Variants in ALMS1 observed in about 807,000 individuals in gnomAD.
ALMS1 encodes the protein ALMS1 centrosome and basal body associated protein, also known as centrosome-associated protein ALMS1.
Under a neutral mutation model 352.2 loss-of-function variants are expected in ALMS1, and 271 were observed. The ratio of observed to expected loss-of-function variants is 0.77; its 90% CI spans 0.70 to 0.85. ALMS1 has a LOEUF of 0.85. ALMS1 is among the 40% of genes least tolerant of loss of function. ALMS1 has a pLI of 0.00. For synonymous variants in ALMS1, 1,865 were observed against 1,761.2 expected (o/e 1.06, Z -1.48); for missense variants, 5,445 against 4,870.7 (o/e 1.12, Z -3.51).
At position 73,448,258 on chromosome 2, in the gene ALMS1, T is replaced by C. The variant is rs768761501; in HGVS notation, c.1731T>C (p.His577=). The part of the protein sequence containing the change: ...TPTVLSSSHS[H]RGKPSIFYQQ... The stretch of plus-strand genomic sequence containing the variant: ...CAGTACTCTCTAGTTCCCACTCACA[T>C]AGGGGGAAGCCCAGCATTTTCTACC... Residue 577 remains histidine, a synonymous_variant, in exon 8 of 23, where the codon CAT becomes CAC. Transcript: ENST00000613296. 3.7e-5 allele frequency: 60 copies of C among 1,613,642 alleles called. No individual in the cohort carries two copies. The highest frequency in any genetic ancestry group is 7.7e-5 in the South Asian group (7 of 91,062).
In ALMS1 at chr2:73,540,620, A is replaced by C. The variant is rs545505204; in HGVS notation, c.9907+5671A>C. 5.4e-4 allele frequency among the ~76,000 whole-genome samples: 83 copies of C among 152,364 alleles called. 1 individual carries two copies. Among genetic ancestry groups the C allele is most frequent in the African/African-American group, 1.9e-3 (81 of 41,584 alleles). The stretch of plus-strand genomic sequence containing the variant: ...CAAGACCCATCCGTGTGCTGTATTC[A>C]GGAAACCCATCTCATGTGCAGAGTC... On this transcript the variant is annotated intron_variant, in intron 12 of 22. Transcript: ENST00000613296.
At position 73,489,685 on chromosome 2, in the gene ALMS1, C is replaced by A. The variant is rs1407351231; in HGVS notation, c.7726C>A (p.His2576Asn). The A allele has an allele frequency of 1.2e-6, 2 of 1,614,046 alleles. No homozygotes were observed. Among genetic ancestry groups the A allele is most frequent in the Admixed American group, 1.7e-5 (1 of 60,016 alleles). Residue 2576 changes from histidine (H) to asparagine (N), a missense_variant, in exon 10 of 23, where the codon CAC (histidine) becomes AAC (asparagine). Physicochemically the swap from His to Asn is moderately conservative, Grantham distance 68. Transcript: ENST00000613296. ...MGCKPEAVCS[H>N]IIIESHEKGC... ...ATGCAAGCCAGAAGCTGTATGTAGT[C>A]ACATTATTATTGAGAGCCATGAAAA...
At chr2:73,518,779 A>T (rs1449543163) in intron 10 of ALMS1, among the ~76,000 whole-genome samples, 1 of 152,086 alleles carries the variant, frequency 6.6e-6, no homozygotes, top group Non-Finnish European at 1.5e-5. Context: ...AGTGTCTGTC[A>T]TGTCCTTTGC....
intron 4 of ALMS1, among the ~76,000 whole-genome samples, chr2:73,423,630 T>C (rs74842156): frequency 1.5e-5 from 1 of 68,628 alleles, no homozygotes; most frequent in Non-Finnish European, 2.5e-5. Context: ...AAAAGTAACC[T>C]CTGTCCTTAT....
intron 15 of ALMS1, among the ~76,000 whole-genome samples, chr2:73,561,474 T>C (rs1480648778): frequency 2.0e-5 from 3 of 152,204 alleles, no homozygotes; most frequent in East Asian, 1.9e-4. Flanking sequence ...TCTCTTTCTT[T>C]TTAATTTTAT....
At chr2:73,526,063 C>T (rs1301974831) in intron 11 of ALMS1, among the ~76,000 whole-genome samples, 1 of 152,062 alleles carries the variant, frequency 6.6e-6, no homozygotes, top group Admixed American at 6.6e-5. Flanking sequence ...TTCTTGGCAC[C>T]TTTGTTGAAA....
At chr2:73,397,281 G>T (rs1339623030) in intron 1 of ALMS1, among the ~76,000 whole-genome samples, 2 of 152,074 alleles carry the variant, frequency 1.3e-5, no homozygotes, top group Non-Finnish European at 1.5e-5. Flanking sequence ...GGTAAGTTGT[G>T]ATTCTCTGTG....
At position 73,422,975 on chromosome 2, in the gene ALMS1, G is replaced by A; in HGVS notation, c.764+1G>A. 6.3e-7 allele frequency: 1 copy of A among 1,598,640 alleles called. No individual in the cohort carries two copies. Among genetic ancestry groups the A allele is most frequent in the Non-Finnish European group, 8.6e-7 (1 of 1,166,144 alleles). On this transcript the variant is annotated splice_donor_variant, in intron 4 of 22. Coordinates refer to ENST00000613296, the MANE Select transcript of ALMS1 (RefSeq NM_001378454.1). LOFTEE classifies it high-confidence loss of function. Reference sequence around the variant, plus strand: ...GTGAACTAAGTTTTGCACCTCTGAGGTAGGATGATTTATTTGCATGTAACC... The same window carrying A: ...GTGAACTAAGTTTTGCACCTCTGAGATAGGATGATTTATTTGCATGTAACC...
In ALMS1 at chr2:73,442,239, G is replaced by A. The variant is rs542207313; in HGVS notation, c.1433-5721G>A. Among the ~76,000 whole-genome samples the A allele has an allele frequency of 1.1e-4, 16 of 152,166 alleles. No individual in the cohort carries two copies. The East Asian group carries it at 2.3e-3, about 22-fold the overall frequency. ...ATATTCAAAGGAAATACTCATTAGA[G>A]CATTTTGGATTTCAGATTTTTGGAT... On this transcript the variant is annotated intron_variant, in intron 7 of 22. Transcript: ENST00000613296.
Position 73,432,207 on chromosome 2 carries a change from G to A in ALMS1, c.1348G>A (p.Glu450Lys). ...ATTTGTTCCACATAAGCCAACAAGA[G>A]AGTCGGAATATCACTCTTCAGATCT... is the stretch of plus-strand genomic sequence containing the variant. ...VAELQRKPTR[E>K]SEYHSSDLRM... Residue 450 changes from glutamate to lysine, a missense_variant, in exon 7 of 23, where the codon GAG (glutamate) becomes AAG (lysine). By Grantham distance (56) the Glu-to-Lys change is moderately conservative. Transcript: ENST00000613296. 1 of 1,612,552 alleles carries A rather than the reference G, an allele frequency of 6.2e-7. No individual in the cohort carries two copies. Among genetic ancestry groups the A allele is most frequent in the South Asian group, 1.1e-5 (1 of 91,032 alleles).
intron 6 of ALMS1, among the ~76,000 whole-genome samples, chr2:73,430,528 G>T (rs1671478617): frequency 6.6e-6 from 1 of 152,168 alleles, no homozygotes. Context: ...TCTCTCACAA[G>T]TGTCTATATA....
At chr2:73,522,616 G>A (rs947569491) in intron 11 of ALMS1, among the ~76,000 whole-genome samples, 5 of 151,710 alleles carry the variant, frequency 3.3e-5, no homozygotes, top group Non-Finnish European at 5.9e-5. Flanking sequence ...CTACAGGCGC[G>A]CACCACCACG....
chr2:73,592,503 TCTGA>T (rs1437132030), intron 16 of ALMS1, among the ~76,000 whole-genome samples: 2 of 152,212 alleles, frequency 1.3e-5, no homozygotes, highest in African/African-American at 4.8e-5. Flanking sequence ...TCATTTTGAC[TCTGA>T]CTGTTTTATC....
Position 73,489,798 on chromosome 2 carries a change from C to T in ALMS1, c.7839C>T (p.Thr2613=), listed in dbSNP as rs746168704. Residue 2613 remains threonine (T), a synonymous_variant, in exon 10 of 23, where the codon ACC becomes ACT. Coordinates refer to ENST00000613296, the MANE Select transcript of ALMS1 (RefSeq NM_001378454.1). The part of the protein sequence containing the change: ...AFRSAGPSEM[T]RGRQNPSSCR... ...GATCTGCTGGACCCTCAGAAATGAC[C>T]AGAGGACGGCAGAACCCATCATCAT... 14 of 1,614,104 alleles carry T rather than the reference C, an allele frequency of 8.7e-6. No homozygotes were observed. In the South Asian group the frequency reaches 1.1e-4, roughly 13 times the overall value.
At position 73,449,798 on chromosome 2, in the gene ALMS1, G is replaced by C; in HGVS notation, c.3271G>C (p.Ala1091Pro). 6.2e-7 allele frequency: 1 copy of C among 1,613,758 alleles called. No individual in the cohort carries two copies. Among genetic ancestry groups the C allele is most frequent in the South Asian group, 1.1e-5 (1 of 91,060 alleles). ...AGCTGACCAGATGACTGACACACCA[G>C]CAGTACCGTCTACTTTCTACTCACA... The part of the protein sequence containing the change: ...GPADQMTDTP[A>P]VPSTFYSQRE... Residue 1091 changes from alanine (A) to proline (P), a missense_variant, in exon 8 of 23, where the codon GCA (alanine) becomes CCA (proline). Physicochemically the swap from Ala to Pro is conservative, Grantham distance 27. Transcript: ENST00000613296.
At chr2:73,399,230 A>C (rs1236895733) in intron 1 of ALMS1, among the ~76,000 whole-genome samples, 1 of 151,874 alleles carries the variant, frequency 6.6e-6, no homozygotes, top group African/African-American at 2.4e-5. Flanking sequence ...TGTACCTTTT[A>C]TTTCCTTTTC....
chr2:73,397,457 T>G (rs979752883), intron 1 of ALMS1, among the ~76,000 whole-genome samples: 2 of 151,974 alleles, frequency 1.3e-5, no homozygotes, highest in African/African-American at 4.8e-5. Flanking sequence ...ACCTCTGTTT[T>G]GGGGTTTTTT....
At chr2:73,495,286 G>A (rs1274013224) in intron 10 of ALMS1, among the ~76,000 whole-genome samples, 2 of 152,056 alleles carry the variant, frequency 1.3e-5, no homozygotes, top group Non-Finnish European at 2.9e-5. Context: ...CCAGGCTGGA[G>A]TGCAGTGGCG....
intron 5 of ALMS1, 114 bp downstream of exon 5, chr2:73,425,016 G>A (rs1446744177): frequency 1.8e-5 from 16 of 896,196 alleles, no homozygotes; most frequent in Non-Finnish European, 2.3e-5. Flanking sequence ...GAACAAAGAG[G>A]GAACTTTGCA....
Sources: gnomAD v4.1 joint callset for allele counts (sites outside exome capture counted in the v4.1 genomes callset) on GRCh38, gnomAD v4.1.1 for gene constraint, MANE v1.5 for transcripts, NCBI Gene and HGNC (gene_info 2026-07-23, HGNC 2026-07-21) for gene names.